Variants in TRAPPC9 observed in about 807,000 individuals in gnomAD.
TRAPPC9 encodes the protein IKK2 binding protein.
TRAPPC9 carries 83 observed loss-of-function variants against 124.0 expected under a neutral mutation model. The observed-to-expected ratio is 0.67, with a 90% confidence interval of 0.56 to 0.80. The LOEUF (loss-of-function observed/expected upper bound fraction) is 0.80. Ranked by LOEUF, TRAPPC9 falls within the 30% of genes least tolerant of loss-of-function variation. TRAPPC9 has a pLI of 0.00. For synonymous variants in TRAPPC9, 638 were observed against 617.5 expected (o/e 1.03, Z -0.49); for missense variants, 1,302 against 1,508.3 (o/e 0.86, Z 2.27).
intron 18 of TRAPPC9, among the ~76,000 whole-genome samples, chr8:140,011,570 C>G (rs1587487160): frequency 1.5e-5 from 2 of 132,556 alleles, no homozygotes; most frequent in Admixed American, 8.1e-5. Flanking sequence ...GTGGTACAAT[C>G]TCGGCTCACT....
intron 6 of TRAPPC9, among the ~76,000 whole-genome samples, chr8:140,405,040 T>G (rs997012358): frequency 6.6e-6 from 1 of 152,110 alleles, no homozygotes; most frequent in Non-Finnish European, 1.5e-5. Flanking sequence ...GGACTTTCAT[T>G]TTTTTACTTG....
intron 15 of TRAPPC9, among the ~76,000 whole-genome samples, chr8:140,259,834 ACC>A (rs2064357862): frequency 1.3e-5 from 2 of 152,224 alleles, no homozygotes; most frequent in Non-Finnish European, 2.9e-5. Context: ...GGGCCTGGCC[ACC>A]AGCAGGCACT....
intron 17 of TRAPPC9, chr8:140,096,710 G>C (rs1844978542): frequency 6.6e-6 from 1 of 152,214 alleles, no homozygotes; most frequent in African/African-American, 2.4e-5. Flanking sequence ...TTGAGTGCAG[G>C]ATGACTGGAA....
At chr8:140,434,389 A>C (rs2070742968) in intron 4 of TRAPPC9, among the ~76,000 whole-genome samples, 1 of 152,168 alleles carries the variant, frequency 6.6e-6, no homozygotes, top group Non-Finnish European at 1.5e-5. Flanking sequence ...CTCACTCTTC[A>C]TTGGTTCTAC....
intron 21 of TRAPPC9, among the ~76,000 whole-genome samples, chr8:139,823,606 T>C (rs1163628634): frequency 6.6e-6 from 1 of 152,102 alleles, no homozygotes; most frequent in African/African-American, 2.4e-5. Context: ...GGAGCTGCCA[T>C]GCCCAGGAAG....
At chr8:140,028,857 C>A (rs13256672) in intron 17 of TRAPPC9, among the ~76,000 whole-genome samples, 65,720 of 151,950 alleles carry the variant, frequency 0.43, 17,046 homozygotes, top group Middle Eastern at 0.63. Context: ...GAGGAAGGAA[C>A]AACAAACCAG....
At chr8:139,813,393 C>A (rs1038170675) in intron 21 of TRAPPC9, among the ~76,000 whole-genome samples, 19 of 152,346 alleles carry the variant, frequency 1.2e-4, no homozygotes, top group African/African-American at 4.3e-4. Context: ...CCCAGGCCCA[C>A]GGCCAGCCCC....
intron 19 of TRAPPC9, among the ~76,000 whole-genome samples, chr8:139,972,019 T>G (rs1319233370): frequency 2.0e-5 from 3 of 151,020 alleles, no homozygotes; most frequent in Non-Finnish European, 4.4e-5. Context: ...GAGATGGGGG[T>G]TTCACCATGT....
chr8:140,074,821 C>G (rs1261628235), intron 17 of TRAPPC9, among the ~76,000 whole-genome samples: 1 of 152,160 alleles, frequency 6.6e-6, no homozygotes, highest in Non-Finnish European at 1.5e-5. Flanking sequence ...CGGGCACAGA[C>G]AGGAAGGGGT....
intron 19 of TRAPPC9, among the ~76,000 whole-genome samples, chr8:139,977,280 G>GTA (rs1836540369): frequency 6.6e-6 from 1 of 151,962 alleles, no homozygotes; most frequent in African/African-American, 2.4e-5. Flanking sequence ...TAAACACTCA[G>GTA]TATCTGCCGA....
chr8:139,804,163 GCAC>G (rs1388433699), intron 21 of TRAPPC9, among the ~76,000 whole-genome samples: 12 of 49,908 alleles, frequency 2.4e-4, no homozygotes, highest in South Asian at 1.4e-3. Context: ...CCACCACCAA[GCAC>G]CACCACCACC....
At chr8:139,813,252 C>T (rs531284634) in intron 21 of TRAPPC9, among the ~76,000 whole-genome samples, 66 of 152,354 alleles carry the variant, frequency 4.3e-4, no homozygotes, top group African/African-American at 1.5e-3. Flanking sequence ...CCCTCTTGCA[C>T]CTCAGTTTCC....
intron 7 of TRAPPC9, among the ~76,000 whole-genome samples, chr8:140,375,567 A>G (rs1372718503): frequency 6.6e-6 from 1 of 152,234 alleles, no homozygotes; most frequent in African/African-American, 2.4e-5. Context: ...TTCCAGGGCC[A>G]CATCTGCATA....
At chr8:140,073,606 A>G (rs1002438272) in intron 17 of TRAPPC9, among the ~76,000 whole-genome samples, 3 of 152,234 alleles carry the variant, frequency 2.0e-5, no homozygotes, top group Admixed American at 2.0e-4. Flanking sequence ...ACGAGGGAGA[A>G]GGGTTAATAG....
At position 140,365,854 on chromosome 8, in the gene TRAPPC9, A is replaced by C. The variant is rs145228003; in HGVS notation, c.1351+5110T>G. On this transcript the variant is annotated intron_variant, in intron 8 of 22. Coordinates refer to ENST00000438773, the MANE Select transcript of TRAPPC9 (RefSeq NM_001160372.4). ...TGTTTCATAGGGGTTTATTGTACAG[A>C]TTAGTTTGTGACCCAGGTATTAAGC... Among the ~76,000 whole-genome samples, 83 of 152,302 alleles carry C rather than the reference A, an allele frequency of 5.4e-4. No homozygotes were observed. In the East Asian group the frequency reaches 0.015, roughly 28 times the overall value.
At chr8:140,079,689 G>A (rs375952394) in intron 17 of TRAPPC9, among the ~76,000 whole-genome samples, 1 of 152,304 alleles carries the variant, frequency 6.6e-6, no homozygotes, top group African/African-American at 2.4e-5. Flanking sequence ...CCAGCACTTT[G>A]GGAGGCCAAG....
At chr8:140,112,561 C>T (rs547233782) in intron 17 of TRAPPC9, among the ~76,000 whole-genome samples, 7 of 152,336 alleles carry the variant, frequency 4.6e-5, no homozygotes, top group Admixed American at 2.0e-4. Flanking sequence ...CCAGGCTGGA[C>T]GCTGGAGATG....
chr8:139,970,180 G>T (rs78656831), intron 19 of TRAPPC9, among the ~76,000 whole-genome samples: 4,966 of 152,234 alleles, frequency 0.033, 273 homozygotes, highest in African/African-American at 0.11. Context: ...GGAAACAGGC[G>T]CCAGCGATGC....
intron 17 of TRAPPC9, among the ~76,000 whole-genome samples, chr8:140,155,947 G>A (rs746425737): frequency 6.6e-6 from 1 of 152,168 alleles, no homozygotes; most frequent in African/African-American, 2.4e-5. Flanking sequence ...CAATACACTT[G>A]CTTATGGCCC....
Sources: gnomAD v4.1 joint callset for allele counts (sites outside exome capture counted in the v4.1 genomes callset) on GRCh38, gnomAD v4.1.1 for gene constraint, MANE v1.5 for transcripts, NCBI Gene and HGNC (gene_info 2026-07-23, HGNC 2026-07-21) for gene names.